Variants in ZNF608 observed in about 807,000 individuals in gnomAD.
ZNF608 encodes zinc finger protein 608.
Under a neutral mutation model 109.0 loss-of-function variants are expected in ZNF608, and 12 were observed. That is an observed-to-expected ratio of 0.11 (90% CI 0.07 to 0.18). The LOEUF (loss-of-function observed/expected upper bound fraction) is 0.18. Ranked by LOEUF, ZNF608 falls within the 10% of genes least tolerant of loss-of-function variation. ZNF608 has a pLI of 1.00. For synonymous variants in ZNF608, 732 were observed against 717.4 expected (o/e 1.02, Z -0.33); for missense variants, 1,707 against 1,879.3 (o/e 0.91, Z 1.70).
chr5:124,744,250 G>A lies in ZNF608; in HGVS notation c.740C>T (p.Ala247Val), dbSNP rs144152813. ...AGTGCCCCCGCAGTGGAAGGGGCTC[G>A]CGCCACCTCCATTGCTCTTGGCCCC... ...GFGAKSNGGG[A>V]SPFHCGGTGS... is the part of the protein sequence containing the mutation. The change falls in exon 2 of 10, where the codon GCG becomes GTG. Residue 247 changes from alanine (A) to valine (V), a missense_variant. Ala to Val is a moderately conservative substitution (Grantham distance 64). Around this residue, in one of 7 missense-constraint regions of ZNF608, gnomAD observed 407 missense variants for 398.7 expected, o/e 1.02. Coordinates refer to ENST00000513986, the MANE Select transcript of ZNF608 (RefSeq NM_020747.3). The surrounding 1 kb of genome is among the most constrained non-coding windows in gnomAD (Gnocchi z 4.5). 7.2e-4 allele frequency: 1,165 copies of A among 1,612,878 alleles called. 1 individual carries two copies. Among genetic ancestry groups the A allele is most frequent in the Non-Finnish European group, 9.3e-4 (1,095 of 1,179,780 alleles).
chr5:124,703,143 G>C (rs1211746952), intron 2 of ZNF608, among the ~76,000 whole-genome samples: 1 of 151,762 alleles, frequency 6.6e-6, no homozygotes, highest in Admixed American at 6.6e-5. Context: ...GTTGTAAACT[G>C]ACTGCAATTC....
intron 2 of ZNF608, among the ~76,000 whole-genome samples, chr5:124,720,607 T>C (rs1753865349): frequency 6.6e-6 from 1 of 152,204 alleles, no homozygotes; most frequent in Non-Finnish European, 1.5e-5. Flanking sequence ...TAACATGTTG[T>C]GTTTAACGGG....
intron 5 of ZNF608, among the ~76,000 whole-genome samples, chr5:124,645,581 T>C (rs1750460232): frequency 6.6e-6 from 1 of 150,970 alleles, no homozygotes; most frequent in Admixed American, 6.6e-5. Context: ...AGGGTGGGAG[T>C]GGGGATGTGC....
intron 3 of ZNF608, among the ~76,000 whole-genome samples, chr5:124,693,535 C>G (rs572073669): frequency 4.8e-4 from 73 of 152,212 alleles, no homozygotes; most frequent in Non-Finnish European, 6.8e-4. Flanking sequence ...AAAGAGGTAA[C>G]AATGTCTTTA....
chr5:124,639,520 C>T (rs1245669576), intron 8 of ZNF608, among the ~76,000 whole-genome samples: 1 of 152,192 alleles, frequency 6.6e-6, no homozygotes, highest in Admixed American at 6.5e-5. Flanking sequence ...GGAGAAATAA[C>T]AGATACCAGG....
chr5:124,731,908 A>G (rs1482844955), intron 2 of ZNF608, among the ~76,000 whole-genome samples: 1 of 152,228 alleles, frequency 6.6e-6, no homozygotes, highest in Non-Finnish European at 1.5e-5. Context: ...GGAAAATATT[A>G]ACAGGAAAGA....
intron 3 of ZNF608, among the ~76,000 whole-genome samples, chr5:124,690,144 T>G (rs1397170953): frequency 1.3e-5 from 2 of 152,226 alleles, no homozygotes; most frequent in Admixed American, 1.3e-4. Context: ...ACAGACAGTA[T>G]GATTCCAACA....
At chr5:124,646,147 G>A (rs910926061) in intron 5 of ZNF608, among the ~76,000 whole-genome samples, 3 of 152,142 alleles carry the variant, frequency 2.0e-5, no homozygotes, top group African/African-American at 7.2e-5. Context: ...CGGATCATGA[G>A]GTCAGGAGAT....
Position 124,641,296 on chromosome 5 carries a change from C to A in ZNF608, c.4406G>T (p.Gly1469Val). The A allele has an allele frequency of 6.2e-7, 1 of 1,613,890 alleles. No homozygotes were observed. Among genetic ancestry groups the A allele is most frequent in the Non-Finnish European group, 8.5e-7 (1 of 1,180,018 alleles). ...HLHTHHHTHVGMGYPLIPGQY... is the reference protein window; with the variant it reads ...HLHTHHHTHVVMGYPLIPGQY... ...ACCCGGGATTAGCGGGTAACCCATG[C>A]CAACGTGGGTGTGGTGGTGCGTGTG... The change falls in exon 8 of 10, where the codon GGC (glycine) becomes GTC (valine). Residue 1469 changes from glycine to valine, a missense_variant. Around this residue, in one of 7 missense-constraint regions of ZNF608, gnomAD observed 1,073 missense variants for 1,133.5 expected, o/e 0.95. Transcript: ENST00000513986.
At chr5:124,656,685 T>C (rs953148124) in intron 3 of ZNF608, among the ~76,000 whole-genome samples, 4 of 152,146 alleles carry the variant, frequency 2.6e-5, no homozygotes, top group Non-Finnish European at 4.4e-5. Context: ...CTTACTTGAC[T>C]GTACTTATCT....
intron 3 of ZNF608, among the ~76,000 whole-genome samples, chr5:124,693,043 T>C (rs1310186583): frequency 1.3e-5 from 2 of 152,212 alleles, no homozygotes; most frequent in Non-Finnish European, 2.9e-5. Flanking sequence ...GGGTTTCCTC[T>C]AGGGTGATAA....
chr5:124,665,721 G>T (rs1334553928), intron 3 of ZNF608, among the ~76,000 whole-genome samples: 1 of 152,186 alleles, frequency 6.6e-6, no homozygotes, highest in Non-Finnish European at 1.5e-5. Flanking sequence ...AGCAATTGAT[G>T]AGGTACATTT....
intron 2 of ZNF608, among the ~76,000 whole-genome samples, chr5:124,733,747 T>C (rs1343930575): frequency 6.6e-6 from 1 of 152,218 alleles, no homozygotes; most frequent in Non-Finnish European, 1.5e-5. Context: ...TGGCTGTTTT[T>C]TTCTACTACT....
Position 124,744,237 on chromosome 5 carries a change from G to A in ZNF608, c.753C>T (p.His251=). 6.2e-7 allele frequency: 1 copy of A among 1,613,770 alleles called. No homozygotes were observed. The highest frequency in any genetic ancestry group is 8.5e-7 in the Non-Finnish European group (1 of 1,179,956). Residue 251 remains histidine, a synonymous_variant, in exon 2 of 10, where the codon CAC becomes CAT. Transcript: ENST00000513986. The surrounding 1 kb of genome is among the most constrained non-coding windows in gnomAD (Gnocchi z 4.5). ...CGCTGCCACTCCCAGTGCCCCCGCA[G>A]TGGAAGGGGCTCGCGCCACCTCCAT... The part of the protein sequence containing the change: ...KSNGGGASPF[H]CGGTGSGSVA...
intron 3 of ZNF608, among the ~76,000 whole-genome samples, chr5:124,676,052 A>T (rs534321162): frequency 1.5e-4 from 23 of 152,322 alleles, no homozygotes; most frequent in African/African-American, 5.1e-4. Context: ...AGAAGTAGAG[A>T]TGTAGCATTC....
At position 124,646,936 on chromosome 5, in the gene ZNF608, A is replaced by T. The variant is rs752737759; in HGVS notation, c.3448T>A (p.Ser1150Thr). 26 of 1,613,802 alleles carry T rather than the reference A, an allele frequency of 1.6e-5. No homozygotes were observed. Among genetic ancestry groups the T allele is most frequent in the Non-Finnish European group, 2.2e-5 (26 of 1,179,976 alleles). ...GAGGGAGCTTTTGAGATTGTGGCCGATGGCATATTTTTCTGTTTAGTTTCC... is the reference window on the plus strand; with the variant it reads ...GAGGGAGCTTTTGAGATTGTGGCCGTTGGCATATTTTTCTGTTTAGTTTCC... ...KEETKQKNMP[S>T]ATISKAPSTP... Residue 1150 changes from serine (S) to threonine (T), a missense_variant, in exon 5 of 10, where the codon TCG (serine) becomes ACG (threonine). Around this residue, in one of 7 missense-constraint regions of ZNF608, gnomAD observed 1,073 missense variants for 1,133.5 expected, o/e 0.95. Coordinates refer to ENST00000513986, the MANE Select transcript of ZNF608 (RefSeq NM_020747.3).
chr5:124,698,807 T>C (rs1752942349), intron 3 of ZNF608, among the ~76,000 whole-genome samples: 1 of 152,334 alleles, frequency 6.6e-6, no homozygotes, highest in East Asian at 1.9e-4. Context: ...GAGAAGAGGC[T>C]AAGGTTAAAA....
In ZNF608 at chr5:124,647,625, T is replaced by C. The variant is rs1311165722; in HGVS notation, c.2759A>G (p.His920Arg). The change falls in exon 5 of 10, where the codon CAT (histidine) becomes CGT (arginine). Residue 920 changes from histidine (H) to arginine (R), a missense_variant. Coordinates refer to ENST00000513986, the MANE Select transcript of ZNF608 (RefSeq NM_020747.3). ...CTCTGCCCCATTCTGGGTCAACACA[T>C]GCAGAGGTGCCATTGGTGCCTGCCC... Reference protein sequence around the residue: ...VNGQAPMAPLHVLTQNGAESS... With the variant: ...VNGQAPMAPLRVLTQNGAESS... 6.2e-7 allele frequency: 1 copy of C among 1,614,204 alleles called. No homozygotes were observed. The highest frequency in any genetic ancestry group is 8.5e-7 in the Non-Finnish European group (1 of 1,180,036).
Position 124,646,801 on chromosome 5 carries a change from C to A in ZNF608, c.3583G>T (p.Ala1195Ser). Residue 1195 changes from alanine to serine, a missense_variant, in exon 5 of 10, where the codon GCC becomes TCC. Physicochemically the swap from Ala to Ser is moderately conservative, Grantham distance 99. This residue lies in a region of ZNF608 where 1,073 missense variants were observed against 1,133.5 expected (regional missense o/e 0.95). Transcript: ENST00000513986. The part of the protein sequence containing the change: ...LLSNHQQQLQ[A>S]DSFKAKQMEN... Reference sequence around the variant, plus strand: ...ATCTGCTTAGCTTTGAAGCTGTCGGCCTGAAGCTGCTGCTGGTGATTGGAG... The same window carrying A: ...ATCTGCTTAGCTTTGAAGCTGTCGGACTGAAGCTGCTGCTGGTGATTGGAG... The A allele has an allele frequency of 2.5e-6, 4 of 1,614,220 alleles. No individual in the cohort carries two copies. The highest frequency in any genetic ancestry group is 3.4e-6 in the Non-Finnish European group (4 of 1,180,042).
Sources: gnomAD v4.1 joint callset for allele counts (sites outside exome capture counted in the v4.1 genomes callset) on GRCh38, gnomAD v4.1.1 for gene constraint, gnomAD v4.1.1 regional missense constraint, Gnocchi (gnomAD v3.1) non-coding constraint, MANE v1.5 for transcripts, NCBI Gene and HGNC (gene_info 2026-07-23, HGNC 2026-07-21) for gene names.